SOS1: variants seen among roughly 807,000 people sequenced by gnomAD.
The protein encoded by SOS1 is son of sevenless homolog 1.
SOS1 carries 25 observed loss-of-function variants against 157.6 expected under a neutral mutation model. The ratio of observed to expected loss-of-function variants is 0.16; its 90% CI spans 0.12 to 0.22. SOS1 has a LOEUF of 0.22. SOS1 is among the 10% of genes least tolerant of loss of function. The pLI is 1.00. For missense variants in SOS1, 1,237 were observed against 1,599.1 expected (o/e 0.77, Z 3.86); for synonymous variants, 528 against 534.0 (o/e 0.99, Z 0.16).
intron 6 of SOS1, among the ~76,000 whole-genome samples, chr2:39,047,615 CAAA>C (rs146117982): frequency 6.6e-6 from 1 of 152,022 alleles, no homozygotes. Context: ...CAAAACAAAA[CAAA>C]AAAACCCTGA....
chr2:39,023,032 C>T lies in SOS1; in HGVS notation c.1396G>A (p.Gly466Ser). The T allele has an allele frequency of 6.2e-7, 1 of 1,613,700 alleles. No homozygotes were observed. The highest frequency in any genetic ancestry group is 2.2e-5 in the East Asian group (1 of 44,866). ...KHERHIFLFD[G>S]LMICCKSNHG... ...TTTGATTTACAGCAAATCATTAAGCCATCAAAGAGAAATATGTGTCTCTCA... is the reference window on the plus strand; with the variant it reads ...TTTGATTTACAGCAAATCATTAAGCTATCAAAGAGAAATATGTGTCTCTCA... The change falls in exon 10 of 23, where the codon GGC (glycine) becomes AGC (serine). Residue 466 changes from glycine to serine, a missense_variant. Physicochemically the swap from Gly to Ser is moderately conservative, Grantham distance 56 (BLOSUM62 0). Transcript: ENST00000402219.
chr2:39,056,982 G>A, intron 3 of SOS1, 116 bp from the exon 4 acceptor site: 1 of 739,948 alleles, frequency 1.4e-6, no homozygotes, highest in Non-Finnish European at 2.4e-6. Context: ...TGAGGCCTGT[G>A]CTTACCAACA....
intron 8 of SOS1, among the ~76,000 whole-genome samples, chr2:39,024,947 G>A (rs375533409): frequency 7.1e-6 from 1 of 141,140 alleles, no homozygotes. Context: ...AAATATCTGT[G>A]TCAGACAGAA....
intron 2 of SOS1, among the ~76,000 whole-genome samples, chr2:39,062,330 A>G (rs1671433614): frequency 6.6e-6 from 1 of 151,600 alleles, no homozygotes; most frequent in East Asian, 1.9e-4. Flanking sequence ...AGGCACGAGA[A>G]TCACTTGAAC....
intron 20 of SOS1, 91 bp from the exon 21 acceptor site, chr2:38,989,405 T>G: frequency 1.2e-6 from 1 of 804,610 alleles, no homozygotes; most frequent in South Asian, 1.4e-5. Flanking sequence ...GAAAATGTTA[T>G]TGTCATTGTC....
chr2:39,085,691 T>C (rs1367789101), intron 1 of SOS1, among the ~76,000 whole-genome samples: 1 of 152,206 alleles, frequency 6.6e-6, no homozygotes, highest in Non-Finnish European at 1.5e-5. Flanking sequence ...TGCTTCACAT[T>C]TATAGAAACC....
intron 1 of SOS1, among the ~76,000 whole-genome samples, chr2:39,096,701 T>C (rs534323391): frequency 2.0e-5 from 3 of 152,184 alleles, no homozygotes; most frequent in Middle Eastern, 3.4e-3. Flanking sequence ...TTGGCTAACA[T>C]GGTGAAACCC....
intron 14 of SOS1, among the ~76,000 whole-genome samples, chr2:39,011,873 C>T (rs567374879): frequency 6.6e-6 from 1 of 152,228 alleles, no homozygotes; most frequent in South Asian, 2.1e-4. Flanking sequence ...CCAGGGCCAG[C>T]AATTGGTAAA....
At chr2:38,992,079 C>T (rs953576181) in intron 20 of SOS1, among the ~76,000 whole-genome samples, 4 of 152,146 alleles carry the variant, frequency 2.6e-5, no homozygotes, top group Non-Finnish European at 5.9e-5. Flanking sequence ...CAGTTCTTTT[C>T]TGCCAGGCCC....
chr2:39,001,539 T>TA (rs1171203077), intron 17 of SOS1, among the ~76,000 whole-genome samples: 1 of 152,114 alleles, frequency 6.6e-6, no homozygotes, highest in Non-Finnish European at 1.5e-5. Context: ...CTAACGCTGG[T>TA]AAAATAATAG....
intron 4 of SOS1, 34 bp downstream of exon 4, chr2:39,056,668 C>G (rs1558492292): frequency 2.1e-6 from 3 of 1,439,672 alleles, no homozygotes; most frequent in Non-Finnish European, 2.9e-6. Context: ...TAAAAAGAAA[C>G]TTAAGAAAAA....
intron 21 of SOS1, among the ~76,000 whole-genome samples, chr2:38,988,397 T>C (rs1417282419): frequency 6.6e-6 from 1 of 152,100 alleles, no homozygotes; most frequent in Non-Finnish European, 1.5e-5. Flanking sequence ...ATAAATACAC[T>C]TTGGAAAACA....
chr2:38,990,465 T>C (rs1329299586), intron 20 of SOS1, among the ~76,000 whole-genome samples: 1 of 152,138 alleles, frequency 6.6e-6, no homozygotes, highest in East Asian at 1.9e-4. Flanking sequence ...TTCTTCCCTA[T>C]TAGCCACCTA....
At chr2:39,007,824 AACACACACATGCACACGC>A (rs1315365957) in intron 15 of SOS1, among the ~76,000 whole-genome samples, 4 of 152,040 alleles carry the variant, frequency 2.6e-5, no homozygotes, top group South Asian at 2.1e-4. Flanking sequence ...CATACACACA[AACACACACATGCACACGC>A]ACACACACAC....
chr2:38,990,971 A>G (rs924864243), intron 20 of SOS1, among the ~76,000 whole-genome samples: 1 of 152,196 alleles, frequency 6.6e-6, no homozygotes, highest in Non-Finnish European at 1.5e-5. Context: ...AAAAAACAGT[A>G]TTAATTTATT....
intron 8 of SOS1, among the ~76,000 whole-genome samples, chr2:39,034,475 T>C (rs139243128): frequency 7.2e-5 from 11 of 152,360 alleles, no homozygotes; most frequent in Non-Finnish European, 1.5e-4. Context: ...ATAATAACGC[T>C]ATTAATGCAT....
chr2:39,047,313 C>T, intron 6 of SOS1, among the ~76,000 whole-genome samples: 1 of 152,204 alleles, frequency 6.6e-6, no homozygotes, highest in East Asian at 1.9e-4. Flanking sequence ...AATAAACCTA[C>T]TGTGAACATT....
chr2:39,088,778 A>G (rs1357698951), intron 1 of SOS1, among the ~76,000 whole-genome samples: 1 of 152,194 alleles, frequency 6.6e-6, no homozygotes, highest in Non-Finnish European at 1.5e-5. Context: ...AGTGCTGCCT[A>G]TAAACACTGG....
chr2:39,089,556 G>C (rs887698976), intron 1 of SOS1, among the ~76,000 whole-genome samples: 1 of 141,492 alleles, frequency 7.1e-6, no homozygotes, highest in Non-Finnish European at 1.5e-5. Context: ...AAGAAAGAAA[G>C]AAAAGAAGCC....
Sources: allele counts gnomAD v4.1 joint callset (sites outside exome capture counted in the v4.1 genomes callset), GRCh38; gene constraint gnomAD v4.1.1; transcripts MANE v1.5; gene names NCBI Gene and HGNC (gene_info 2026-07-23, HGNC 2026-07-21).